Variants in ELAPOR2 observed in about 807,000 individuals in gnomAD.
The protein encoded by ELAPOR2 is endosome-lysosome associated apoptosis and autophagy regulator family member 2.
Under a neutral mutation model 120.7 loss-of-function variants are expected in ELAPOR2, and 89 were observed. That is an observed-to-expected ratio of 0.74 (90% CI 0.62 to 0.88). The LOEUF (loss-of-function observed/expected upper bound fraction) is 0.88, where lower values mean the gene tolerates loss of function less well. Ranked by LOEUF, ELAPOR2 falls within the 40% of genes least tolerant of loss-of-function variation. The pLI is 0.00. For missense variants in ELAPOR2, 1,134 were observed against 1,251.6 expected (o/e 0.91, Z 1.42); for synonymous variants, 444 against 444.9 (o/e 1.00, Z 0.03).
At chr7:87,052,828 GCT>G (rs1795154309) in intron 1 of ELAPOR2, among the ~76,000 whole-genome samples, 1 of 136,122 alleles carries the variant, frequency 7.3e-6, no homozygotes, top group African/African-American at 2.6e-5. Context: ...ACAGGGTCTT[GCT>G]CTGTCACCCA....
rs1379154712 is a variant in ELAPOR2 at position 86,878,056 on chromosome 7, A to G, written c.*2415T>C. ...TTATAGGCAACAGTTGACTTAATGAAGTAGTTAAGGCTTCAAAATTGTGCC... is the reference window on the plus strand; with the variant it reads ...TTATAGGCAACAGTTGACTTAATGAGGTAGTTAAGGCTTCAAAATTGTGCC... On this transcript the variant is annotated 3_prime_UTR_variant, in exon 22 of 22. Coordinates refer to ENST00000450689, the MANE Select transcript of ELAPOR2 (RefSeq NM_001142749.3). 6.6e-6 allele frequency: 1 copy of G among 152,220 alleles called. No individual in the cohort carries two copies. Among genetic ancestry groups the G allele is most frequent in the East Asian group, 1.9e-4 (1 of 5,204 alleles). The allele number at this position is 152,220 out of a possible 1,614,324, so 9.4% of individuals were successfully genotyped here.
intron 1 of ELAPOR2, among the ~76,000 whole-genome samples, chr7:86,993,246 A>AAAAG (rs1554402329): frequency 6.9e-6 from 1 of 143,990 alleles, no homozygotes; most frequent in East Asian, 2.0e-4. Context: ...AAAAAAAAAA[A>AAAAG]AAAAGAAAAA....
intron 1 of ELAPOR2, among the ~76,000 whole-genome samples, chr7:87,017,489 A>G (rs1456411229): frequency 6.6e-6 from 1 of 152,230 alleles, no homozygotes; most frequent in Non-Finnish European, 1.5e-5. Flanking sequence ...ATGAATGCAT[A>G]CATATGAAAG....
intron 21 of ELAPOR2, among the ~76,000 whole-genome samples, chr7:86,880,947 G>T (rs1020248369): frequency 2.6e-5 from 4 of 151,910 alleles, no homozygotes; most frequent in Non-Finnish European, 5.9e-5. Context: ...TAAGAAAAAG[G>T]ACAGCAGAAA....
At chr7:86,941,936 G>A (rs1371570982) in intron 5 of ELAPOR2, 82 bp downstream of exon 5, 4 of 725,588 alleles carry the variant, frequency 5.5e-6, no homozygotes, top group African/African-American at 3.6e-5. Flanking sequence ...AAAGGAAGGG[G>A]AAGTTGGGAA....
intron 12 of ELAPOR2, among the ~76,000 whole-genome samples, chr7:86,915,124 T>A (rs114506565): frequency 6.6e-6 from 1 of 151,638 alleles, no homozygotes; most frequent in Admixed American, 6.6e-5. Context: ...AGGGTTGGGG[T>A]TTTTTTTGTT....
intron 8 of ELAPOR2, among the ~76,000 whole-genome samples, chr7:86,934,885 C>G (rs1168885403): frequency 6.6e-6 from 1 of 151,968 alleles, no homozygotes; most frequent in Non-Finnish European, 1.5e-5. Context: ...CTCTACCAAC[C>G]CACCTTTAAC....
intron 1 of ELAPOR2, among the ~76,000 whole-genome samples, chr7:86,978,717 C>T (rs755275595): frequency 7.9e-5 from 12 of 152,134 alleles, no homozygotes; most frequent in African/African-American, 1.7e-4. Context: ...CCTCAATTTC[C>T]TTGTCTATCT....
intron 1 of ELAPOR2, among the ~76,000 whole-genome samples, chr7:87,043,193 C>T (rs902778276): frequency 2.0e-5 from 3 of 151,668 alleles, no homozygotes; most frequent in Non-Finnish European, 2.9e-5. Context: ...CAAGGAGGAA[C>T]TGGTACCATT....
chr7:86,943,460 C>G (rs1790882330), intron 4 of ELAPOR2, among the ~76,000 whole-genome samples: 1 of 151,880 alleles, frequency 6.6e-6, no homozygotes. Flanking sequence ...GTATGATGAC[C>G]ATGAAGTTTT....
chr7:87,049,255 G>A lies in ELAPOR2; in HGVS notation c.189+10070C>T, dbSNP rs565408586. On this transcript the variant is annotated intron_variant, in intron 1 of 21. Transcript: ENST00000450689. ...AAAACAAAAGCATGAAATGTAGATT[G>A]AGAGGAAGGGATTGAAATTTTATTT... Among the ~76,000 whole-genome samples, 6 of 150,486 alleles carry A rather than the reference G, an allele frequency of 4.0e-5. No individual in the cohort carries two copies. The East Asian group carries it at 9.8e-4, about 25-fold the overall frequency.
At chr7:87,041,621 T>A (rs1794789571) in intron 1 of ELAPOR2, among the ~76,000 whole-genome samples, 1 of 151,502 alleles carries the variant, frequency 6.6e-6, no homozygotes, top group South Asian at 2.1e-4. Flanking sequence ...GCACTAAATA[T>A]GAAAAGGAAC....
chr7:87,006,266 C>T (rs1793467661), intron 1 of ELAPOR2, among the ~76,000 whole-genome samples: 1 of 150,424 alleles, frequency 6.6e-6, no homozygotes. Flanking sequence ...TTTAATTAAT[C>T]AATTACAGAA....
chr7:86,929,918 T>A (rs1335975737), intron 8 of ELAPOR2, among the ~76,000 whole-genome samples: 2 of 151,918 alleles, frequency 1.3e-5, no homozygotes, highest in Non-Finnish European at 2.9e-5. Flanking sequence ...CTGCTTCCCC[T>A]TTTACCATGA....
rs894521629 is a variant in ELAPOR2, at chr7:87,043,965, AACAG to A, written c.189+15356_189+15359del. Among the ~76,000 whole-genome samples, 45 of 151,416 alleles carry A rather than the reference AACAG, an allele frequency of 3.0e-4. No individual in the cohort carries two copies. The Middle Eastern group carries it at 0.017, about 57-fold the overall frequency. On this transcript the variant is annotated intron_variant, in intron 1 of 21. Coordinates refer to ENST00000450689, the MANE Select transcript of ELAPOR2 (RefSeq NM_001142749.3). Reference sequence around the variant, plus strand: ...ATCACAAGCATTCTTATACACCAACAACAGACAGAGAGCCAAATCATGAGTGAAC... The same window carrying A: ...ATCACAAGCATTCTTATACACCAACAACAGAGAGCCAAATCATGAGTGAAC...
intron 8 of ELAPOR2, among the ~76,000 whole-genome samples, chr7:86,929,081 TTTATTA>T (rs1420254504): frequency 6.6e-6 from 1 of 151,850 alleles, no homozygotes; most frequent in Non-Finnish European, 1.5e-5. Flanking sequence ...AATTTACCAG[TTTATTA>T]TTAAGATTAC....
At chr7:87,005,071 CCTGT>C (rs1047163187) in intron 1 of ELAPOR2, among the ~76,000 whole-genome samples, 4 of 151,934 alleles carry the variant, frequency 2.6e-5, no homozygotes, top group Non-Finnish European at 4.4e-5. Flanking sequence ...AAACTTTGGT[CCTGT>C]CTATGTGCTA....
intron 4 of ELAPOR2, among the ~76,000 whole-genome samples, 191 bp from the exon 5 acceptor site, chr7:86,942,295 A>C (rs1790832780): frequency 6.6e-6 from 1 of 152,168 alleles, no homozygotes; most frequent in Admixed American, 6.5e-5. Flanking sequence ...AGAGGTTCTA[A>C]GTAAACTATC....
chr7:86,974,772 T>C (rs1379041182), intron 1 of ELAPOR2, among the ~76,000 whole-genome samples: 1 of 152,126 alleles, frequency 6.6e-6, no homozygotes, highest in Admixed American at 6.5e-5. Flanking sequence ...GTTAACTGCT[T>C]TGCCAAGACA....
Sources: gnomAD v4.1 joint callset for allele counts (sites outside exome capture counted in the v4.1 genomes callset) on GRCh38, gnomAD v4.1.1 for gene constraint, MANE v1.5 for transcripts, NCBI Gene and HGNC (gene_info 2026-07-23, HGNC 2026-07-21) for gene names.